The following ADGRL2 variants were observed in gnomAD, a reference collection of about 807,000 sequenced individuals.
The protein encoded by ADGRL2 is adhesion G protein-coupled receptor L2.
ADGRL2 carries 44 observed loss-of-function variants against 157.4 expected under a neutral mutation model. The ratio of observed to expected loss-of-function variants is 0.28; its 90% CI spans 0.22 to 0.36. ADGRL2 has a LOEUF of 0.36. Ranked by LOEUF, ADGRL2 falls within the 10% of genes least tolerant of loss-of-function variation. ADGRL2 has a pLI of 1.00. For synonymous variants in ADGRL2, 585 were observed against 624.7 expected (o/e 0.94, Z 0.95); for missense variants, 1,510 against 1,768.9 (o/e 0.85, Z 2.63).
chr1:81,605,361 A>C (rs375926203), intron 3 of ADGRL2, among the ~76,000 whole-genome samples: 1 of 152,200 alleles, frequency 6.6e-6, no homozygotes, highest in Non-Finnish European at 1.5e-5. Flanking sequence ...AGAAGAGCAG[A>C]TGGCCCCCAA....
chr1:81,534,865 G>A (rs966933131), intron 2 of ADGRL2, among the ~76,000 whole-genome samples: 15 of 152,128 alleles, frequency 9.9e-5, no homozygotes, highest in Non-Finnish European at 1.9e-4. Flanking sequence ...TTTTTCAAAG[G>A]TTACAGAATC....
intron 2 of ADGRL2, among the ~76,000 whole-genome samples, chr1:81,519,453 C>T (rs1181691955): frequency 6.6e-6 from 1 of 151,342 alleles, no homozygotes; most frequent in Non-Finnish European, 1.5e-5. Flanking sequence ...GAATCTTTAG[C>T]AGTGAAAGAA....
At chr1:81,422,837 T>TA (rs761282343) in intron 1 of ADGRL2, among the ~76,000 whole-genome samples, 21 of 152,344 alleles carry the variant, frequency 1.4e-4, no homozygotes, top group Admixed American at 4.6e-4. Context: ...TGGAATATAT[T>TA]AAAGCTTTTA....
In ADGRL2 at chr1:81,502,991, G is replaced by T. The variant is rs964793963; in HGVS notation, c.-248+57902G>T. 2.9e-5 allele frequency: 46 copies of T among 1,613,252 alleles called. No individual in the cohort carries two copies. In the South Asian group the frequency reaches 4.1e-4, roughly 14 times the overall value. ...GTGACAACAGTGGCTGTGCCAAATC[G>T]TCTGGCTGTGCCCGTGACCTTGGCA... On this transcript the variant is annotated intron_variant, in intron 2 of 24. Transcript: ENST00000370721.
At chr1:81,528,024 G>C (rs182370110) in intron 2 of ADGRL2, among the ~76,000 whole-genome samples, 2 of 152,082 alleles carry the variant, frequency 1.3e-5, no homozygotes, top group African/African-American at 4.8e-5. Context: ...CCGAGATCGC[G>C]TCACTGCACT....
At chr1:81,310,849 GAAAA>G (rs34131503) in intron 1 of ADGRL2, among the ~76,000 whole-genome samples, 1 of 128,016 alleles carries the variant, frequency 7.8e-6, no homozygotes. Context: ...CTCCTTGAAA[GAAAA>G]AAAAAAAAAA....
intron 1 of ADGRL2, among the ~76,000 whole-genome samples, chr1:81,391,351 A>C (rs1194147975): frequency 6.6e-6 from 1 of 152,308 alleles, no homozygotes; most frequent in South Asian, 2.1e-4. Context: ...CTGCTCTGCG[A>C]TTTTACTATT....
At chr1:81,918,275 T>C (rs2094904745) in intron 3 of ADGRL2, among the ~76,000 whole-genome samples, 1 of 152,142 alleles carries the variant, frequency 6.6e-6, no homozygotes, top group African/African-American at 2.4e-5. Context: ...AGATGTCATA[T>C]TGCAATTTAA....
intron 14 of ADGRL2, among the ~76,000 whole-genome samples, chr1:81,968,773 G>GA (rs1295126287): frequency 1.3e-5 from 2 of 152,160 alleles, no homozygotes; most frequent in Non-Finnish European, 2.9e-5. Context: ...ACCCCAAGGA[G>GA]AAAATAAAAA....
rs534022884 is a variant in ADGRL2, at chr1:81,567,308, G to A, written c.-247-13568G>A. Among the ~76,000 whole-genome samples the A allele has an allele frequency of 2.0e-5, 3 of 152,150 alleles. No homozygotes were observed. In the East Asian group the frequency reaches 5.8e-4, roughly 29 times the overall value. On this transcript the variant is annotated intron_variant, in intron 2 of 24. Coordinates refer to the ADGRL2 transcript ENST00000370721. ...CAGTCACACTAGCCACATTTCAAGT[G>A]TTCAATAGTCACATACAGCTGGTGG...
chr1:81,540,500 A>T (rs2079855873), intron 2 of ADGRL2, among the ~76,000 whole-genome samples: 1 of 152,222 alleles, frequency 6.6e-6, no homozygotes, highest in Non-Finnish European at 1.5e-5. Flanking sequence ...AAATGTACAA[A>T]TGTCTAAACA....
At chr1:81,528,461 C>A (rs1199606212) in intron 2 of ADGRL2, among the ~76,000 whole-genome samples, 1 of 151,986 alleles carries the variant, frequency 6.6e-6, no homozygotes, top group Non-Finnish European at 1.5e-5. Context: ...TCCTGGCTAA[C>A]ACGGTGAAAC....
At chr1:81,628,712 C>T (rs1166517607) in intron 3 of ADGRL2, among the ~76,000 whole-genome samples, 1 of 152,066 alleles carries the variant, frequency 6.6e-6, no homozygotes, top group Non-Finnish European at 1.5e-5. Context: ...AACCTCTCTC[C>T]AAGCAGAATA....
rs756830878 is a variant in ADGRL2, at chr1:81,990,767, C to T, written c.4032C>T (p.Ser1344=). 8.2e-5 allele frequency: 132 copies of T among 1,613,952 alleles called. No homozygotes were observed. The highest frequency in any genetic ancestry group is 1.1e-4 in the Non-Finnish European group (128 of 1,180,004). ...CACTTATTCCTCAGCGGACTCACTCCCTTCTGTACCAACCCCAGAAGAAAG... is the reference window on the plus strand; with the variant it reads ...CACTTATTCCTCAGCGGACTCACTCTCTTCTGTACCAACCCCAGAAGAAAG... ...EAPLIPQRTH[S]LLYQPQKKVK... The change falls in exon 24 of 24, where the codon TCC becomes TCT. Residue 1344 remains serine, a synonymous_variant. Transcript: ENST00000686636.
intron 1 of ADGRL2, among the ~76,000 whole-genome samples, chr1:81,704,322 G>T (rs1444282917): frequency 6.6e-6 from 1 of 152,228 alleles, no homozygotes; most frequent in Non-Finnish European, 1.5e-5. Flanking sequence ...AGGCTTAGCT[G>T]GCTAGTCCGG....
At position 81,691,454 on chromosome 1, in the gene ADGRL2, G is replaced by A. The variant is rs190101047; in HGVS notation, c.-142-70357G>A. 3.0e-3 allele frequency among the ~76,000 whole-genome samples: 449 copies of A among 151,950 alleles called. 2 individuals are homozygous for A. Among genetic ancestry groups the A allele is most frequent in the Admixed American group, 4.9e-3 (74 of 15,242 alleles). Reference sequence around the variant, plus strand: ...TTTAAGAATTCAGAGTATTTTGATTGCATATACCAATATACTTGGGTAATA... The same window carrying A: ...TTTAAGAATTCAGAGTATTTTGATTACATATACCAATATACTTGGGTAATA... On this transcript the variant is annotated intron_variant, in intron 3 of 24. Coordinates refer to the ADGRL2 transcript ENST00000370721.
intron 3 of ADGRL2, among the ~76,000 whole-genome samples, chr1:81,936,139 A>G (rs545860944): frequency 3.9e-5 from 6 of 152,016 alleles, no homozygotes; most frequent in East Asian, 1.9e-4. Flanking sequence ...ATTTATGTGG[A>G]CCATAGCATA....
chr1:81,835,378 A>G (rs1233621958), intron 1 of ADGRL2, among the ~76,000 whole-genome samples: 1 of 152,172 alleles, frequency 6.6e-6, no homozygotes, highest in African/African-American at 2.4e-5. Context: ...TTTAAATGTG[A>G]CAAGCCATGA....
chr1:81,923,031 T>G (rs2095024526), intron 3 of ADGRL2, among the ~76,000 whole-genome samples: 1 of 152,174 alleles, frequency 6.6e-6, no homozygotes, highest in African/African-American at 2.4e-5. Context: ...TCTGTGCTTT[T>G]TAGAAAGAGC....
Sources: gnomAD v4.1 joint callset for allele counts (sites outside exome capture counted in the v4.1 genomes callset) on GRCh38, gnomAD v4.1.1 for gene constraint, MANE v1.5 for transcripts, NCBI Gene and HGNC (gene_info 2026-07-23, HGNC 2026-07-21) for gene names.